CEMIP: variants seen among roughly 807,000 people sequenced by gnomAD.
The protein encoded by CEMIP is cell migration inducing hyaluronidase 1, also known as cell migration-inducing and hyaluronan-binding protein.
Under a neutral mutation model 156.9 loss-of-function variants are expected in CEMIP, and 105 were observed. That is an observed-to-expected ratio of 0.67 (90% CI 0.57 to 0.79). The LOEUF (loss-of-function observed/expected upper bound fraction) is 0.79, where lower values mean the gene tolerates loss of function less well. Among genes scored for constraint, CEMIP ranks in the 30% least tolerant of loss-of-function variants. The probability of loss-of-function intolerance (pLI) is 0.00; values close to 1 mark genes in which losing one functional copy is unlikely to be tolerated. For synonymous variants in CEMIP, 676 were observed against 668.4 expected (o/e 1.01, Z -0.17); for missense variants, 1,457 against 1,769.4 (o/e 0.82, Z 3.17).
chr15:80,861,588 A>G (rs1897989305), intron 1 of CEMIP, among the ~76,000 whole-genome samples: 1 of 152,110 alleles, frequency 6.6e-6, no homozygotes, highest in Non-Finnish European at 1.5e-5. Flanking sequence ...CCACTAAATA[A>G]CCTAGATGAG....
At chr15:80,845,376 A>T (rs1180469880) in intron 1 of CEMIP, among the ~76,000 whole-genome samples, 1 of 152,166 alleles carries the variant, frequency 6.6e-6, no homozygotes, top group Non-Finnish European at 1.5e-5. Flanking sequence ...GGCTGCAGTG[A>T]GCAGTGATCA....
rs567912378 is a variant in CEMIP at position 80,938,619 on chromosome 15, G to A, written c.3407+640G>A. ...GTGAGAGATGGGCAAAGAAGGCACA[G>A]GGAAAATAGGAGAGACTTCCTGAGA... On this transcript the variant is annotated intron_variant, in intron 25 of 29. Coordinates refer to ENST00000394685, the MANE Select transcript of CEMIP (RefSeq NM_001293298.2). Among the ~76,000 whole-genome samples, 8 of 152,240 alleles carry A rather than the reference G, an allele frequency of 5.3e-5. 1 individual carries two copies. The East Asian group carries it at 1.4e-3, about 26-fold the overall frequency.
intron 10 of CEMIP, among the ~76,000 whole-genome samples, chr15:80,894,563 A>G (rs942372142): frequency 2.0e-5 from 3 of 152,172 alleles, no homozygotes; most frequent in Admixed American, 6.5e-5. Context: ...ACTGGGCATG[A>G]GTATTTTTTA....
At position 80,941,958 on chromosome 15, in the gene CEMIP, G is replaced by C. The variant is rs1432563943; in HGVS notation, c.3517G>C (p.Gly1173Arg). The C allele has an allele frequency of 6.2e-7, 1 of 1,613,966 alleles. No individual in the cohort carries two copies. The highest frequency in any genetic ancestry group is 8.5e-7 in the Non-Finnish European group (1 of 1,180,008). The change falls in exon 26 of 30, where the codon GGC (glycine) becomes CGC (arginine). Residue 1173 changes from glycine to arginine, a missense_variant. Coordinates refer to ENST00000394685, the MANE Select transcript of CEMIP (RefSeq NM_001293298.2). Reference sequence around the variant, plus strand: ...TAAAGCTCTGATTCCAAAGAACGCAGGCGTCAGTGACTGCACAGCCACAGC... The same window carrying C: ...TAAAGCTCTGATTCCAAAGAACGCACGCGTCAGTGACTGCACAGCCACAGC... ...KIKALIPKNA[G>R]VSDCTATAYP...
At chr15:80,914,423 A>AT (rs1900184771) in intron 14 of CEMIP, among the ~76,000 whole-genome samples, 2 of 152,184 alleles carry the variant, frequency 1.3e-5, no homozygotes, top group Non-Finnish European at 2.9e-5. Flanking sequence ...GCTTGAAACC[A>AT]GGATGTCCCC....
rs777272968 is a variant in CEMIP, at chr15:80,920,076, C to T, written c.1798-18C>T. Reference sequence around the variant, plus strand: ...TAACTGGATGCTTGGTGAAACACCCCTGTCTTGACCCCTGCAGATCAAGGA... The same window carrying T: ...TAACTGGATGCTTGGTGAAACACCCTTGTCTTGACCCCTGCAGATCAAGGA... On this transcript the variant is annotated intron_variant, in intron 14 of 29. Transcript: ENST00000394685. 5 of 1,612,730 alleles carry T rather than the reference C, an allele frequency of 3.1e-6. No individual in the cohort carries two copies. The highest frequency in any genetic ancestry group is 4.5e-5 in the East Asian group (2 of 44,876).
At chr15:80,818,103 C>T (rs1896827939) in intron 1 of CEMIP, among the ~76,000 whole-genome samples, 1 of 152,194 alleles carries the variant, frequency 6.6e-6, no homozygotes, top group Non-Finnish European at 1.5e-5. Flanking sequence ...GCTGCAGGAA[C>T]AAACAATCCC....
intron 1 of CEMIP, among the ~76,000 whole-genome samples, chr15:80,814,198 G>A (rs1295259108): frequency 5.3e-5 from 8 of 151,924 alleles, no homozygotes; most frequent in Admixed American, 1.3e-4. Context: ...ACAGGTGCCC[G>A]CCACCACGCC....
chr15:80,841,677 TC>T (rs1897422274), intron 1 of CEMIP, among the ~76,000 whole-genome samples: 1 of 152,210 alleles, frequency 6.6e-6, no homozygotes, highest in South Asian at 2.1e-4. Flanking sequence ...CTCTTACAGG[TC>T]CTTGGTAGCT....
Position 80,932,178 on chromosome 15 carries a change from C to A in CEMIP, c.2793+139C>A. The A allele has an allele frequency of 1.0e-6, 1 of 994,528 alleles. No individual in the cohort carries two copies. Among genetic ancestry groups the A allele is most frequent in the Non-Finnish European group, 1.5e-6 (1 of 648,624 alleles). The allele number at this position is 994,528 out of a possible 1,614,324, so 61.6% of individuals were successfully genotyped here. ...CTCCTCCAACTAGGCTGGGCCATGT[C>A]CCAGTTTGCTCTTCATCCAAACTGG... On this transcript the variant is annotated intron_variant, in intron 22 of 29. Coordinates refer to ENST00000394685, the MANE Select transcript of CEMIP (RefSeq NM_001293298.2). This position sits in a 1 kb window ranked among gnomAD's most constrained non-coding sequence, Gnocchi z 4.5.
intron 1 of CEMIP, among the ~76,000 whole-genome samples, chr15:80,814,749 A>G (rs768827524): frequency 2.6e-5 from 4 of 152,242 alleles, no homozygotes; most frequent in Non-Finnish European, 5.9e-5. Flanking sequence ...ATGAATGGCT[A>G]TGAGAGAGAT....
Position 80,895,999 on chromosome 15 carries a change from G to C in CEMIP, c.1350G>C (p.Gln450His), listed in dbSNP as rs764946392. Residue 450 changes from glutamine to histidine, a missense_variant, in exon 12 of 30, where the codon CAG becomes CAC. Gln to His is a conservative substitution (Grantham distance 24). This residue lies in a region of CEMIP where 280 missense variants were observed against 300.3 expected (regional missense o/e 0.93). Coordinates refer to ENST00000394685, the MANE Select transcript of CEMIP (RefSeq NM_001293298.2). ...VIASTDYSMY[Q>H]AEEFQVLPCR... ...CCAGTACTGATTACTCCATGTACCA[G>C]GCAGAAGAGTTCCAGGTGCTTCCCT... The C allele has an allele frequency of 1.9e-6, 3 of 1,614,164 alleles. No homozygotes were observed. The highest frequency in any genetic ancestry group is 2.5e-6 in the Non-Finnish European group (3 of 1,180,030).
At chr15:80,863,796 C>T (rs11852715) in intron 1 of CEMIP, among the ~76,000 whole-genome samples, 108,838 of 151,962 alleles carry the variant, frequency 0.72, 39,373 homozygotes, top group African/African-American at 0.76. Context: ...TCCATCACCC[C>T]TTCTCCTCTT....
intron 1 of CEMIP, among the ~76,000 whole-genome samples, chr15:80,832,190 A>G (rs1458653179): frequency 6.6e-6 from 1 of 152,216 alleles, no homozygotes; most frequent in Non-Finnish European, 1.5e-5. Context: ...CATATTTAGC[A>G]ACATTTCAGT....
intron 3 of CEMIP, among the ~76,000 whole-genome samples, chr15:80,875,021 ATTTTTTTTTTT>A (rs755707756): frequency 7.7e-5 from 5 of 64,914 alleles, no homozygotes; most frequent in Non-Finnish European, 1.1e-4. Context: ...AGCAAGTAGC[ATTTTTTTTTTT>A]TTTTTTTTTT....
At chr15:80,899,914 T>C (rs1281241421) in intron 12 of CEMIP, among the ~76,000 whole-genome samples, 1 of 152,168 alleles carries the variant, frequency 6.6e-6, no homozygotes, top group Non-Finnish European at 1.5e-5. Context: ...AGGAGTGGCA[T>C]TCAGACCATC....
At chr15:80,868,899 A>G (rs1331944289) in intron 1 of CEMIP, among the ~76,000 whole-genome samples, 1 of 152,230 alleles carries the variant, frequency 6.6e-6, no homozygotes, top group East Asian at 1.9e-4. Context: ...TGTGAGCCTC[A>G]GAAAAGCTAG....
At chr15:80,809,368 A>G (rs969820051) in intron 1 of CEMIP, among the ~76,000 whole-genome samples, 1 of 152,250 alleles carries the variant, frequency 6.6e-6, no homozygotes, top group African/African-American at 2.4e-5. Flanking sequence ...AAATGTTCAT[A>G]TTGTGAAGTC....
chr15:80,787,980 C>T (rs913015297), intron 1 of CEMIP, among the ~76,000 whole-genome samples: 6 of 152,152 alleles, frequency 3.9e-5, no homozygotes, highest in South Asian at 2.1e-4. Flanking sequence ...CTTGTCATGC[C>T]GTGAGGGACT....
Sources: gnomAD v4.1 joint callset for allele counts (sites outside exome capture counted in the v4.1 genomes callset) on GRCh38, gnomAD v4.1.1 for gene constraint, gnomAD v4.1.1 regional missense constraint, Gnocchi (gnomAD v3.1) non-coding constraint, MANE v1.5 for transcripts, NCBI Gene and HGNC (gene_info 2026-07-23, HGNC 2026-07-21) for gene names.